The following ANKMY2 variants were observed in gnomAD, a reference collection of about 807,000 sequenced individuals.
The protein encoded by ANKMY2 is ankyrin repeat and MYND domain-containing protein 2.
Under a neutral mutation model 50.4 loss-of-function variants are expected in ANKMY2, and 36 were observed. The observed-to-expected ratio is 0.71, with a 90% CI of 0.55 to 0.94. The LOEUF (loss-of-function observed/expected upper bound fraction) is 0.94, where lower values mean the gene tolerates loss of function less well. ANKMY2 is among the 40% of genes least tolerant of loss of function. The pLI, the probability that ANKMY2 is intolerant of heterozygous loss-of-function variation, is 0.00. For missense variants in ANKMY2, 565 were observed against 524.0 expected (o/e 1.08, Z -0.76); for synonymous variants, 187 against 178.8 (o/e 1.05, Z -0.36).
In ANKMY2 at chr7:16,608,799, G is replaced by A. The variant is rs192646564; in HGVS notation, c.882+831C>T. On this transcript the variant is annotated intron_variant, in intron 7 of 9. Transcript: ENST00000306999. Reference sequence around the variant, plus strand: ...GGTAGATCACCTGAGTCAGGAGTTCGAGACCAACCTGGTCAACATGGTGAA... The same window carrying A: ...GGTAGATCACCTGAGTCAGGAGTTCAAGACCAACCTGGTCAACATGGTGAA... 4.5e-3 allele frequency among the ~76,000 whole-genome samples: 682 copies of A among 152,124 alleles called. 5 individuals carry two copies. Among genetic ancestry groups the A allele is most frequent in the African/African-American group, 0.016 (659 of 41,490 alleles).
intron 4 of ANKMY2, among the ~76,000 whole-genome samples, chr7:16,623,358 T>C (rs1265465919): frequency 1.3e-5 from 2 of 152,214 alleles, no homozygotes; most frequent in Non-Finnish European, 2.9e-5. Context: ...CAATTTTTAC[T>C]GTAGTAAAAA....
At chr7:16,633,950 A>G (rs568322329) in intron 2 of ANKMY2, among the ~76,000 whole-genome samples, 1 of 152,258 alleles carries the variant, frequency 6.6e-6, no homozygotes, top group African/African-American at 2.4e-5. Context: ...TTCTTGGTGT[A>G]TTATTAATTT....
At chr7:16,605,155 T>C (rs1781132181) in intron 7 of ANKMY2, among the ~76,000 whole-genome samples, 1 of 152,224 alleles carries the variant, frequency 6.6e-6, no homozygotes, top group Non-Finnish European at 1.5e-5. Context: ...GCGTTTCAGA[T>C]TTAGGACAAT....
rs1781490069 is a variant in ANKMY2 at position 16,624,990 on chromosome 7, GGCTGCCATCTGA to G, written c.351_362del (p.Gln118_Ala121del). The stretch of plus-strand genomic sequence containing the variant: ...ACTGCAGCAAAATCTCACCCACAAA[GGCTGCCATCTGA>G]GCTGCTGTTCTTCCCACAGAGTTGA... On this transcript the variant is annotated inframe_deletion, in exon 4 of 10. Coordinates refer to ENST00000306999, the MANE Select transcript of ANKMY2 (RefSeq NM_020319.3). 1 of 1,613,450 alleles carries G rather than the reference GGCTGCCATCTGA, an allele frequency of 6.2e-7. No homozygotes were observed. Among genetic ancestry groups the G allele is most frequent in the South Asian group, 1.1e-5 (1 of 90,978 alleles).
intron 4 of ANKMY2, among the ~76,000 whole-genome samples, chr7:16,620,178 T>C (rs2286228): frequency 0.17 from 26,340 of 151,838 alleles, 2,526 homozygotes; most frequent in Admixed American, 0.29. Flanking sequence ...AAGACAAAAA[T>C]GCAAAAATGG....
At chr7:16,635,838 C>T (rs921843954) in intron 2 of ANKMY2, among the ~76,000 whole-genome samples, 2 of 152,124 alleles carry the variant, frequency 1.3e-5, no homozygotes, top group African/African-American at 2.4e-5. Flanking sequence ...GTCCATTTTT[C>T]CCCATGCTTG....
chr7:16,630,149 T>C (rs190596717), intron 2 of ANKMY2, among the ~76,000 whole-genome samples: 3 of 152,288 alleles, frequency 2.0e-5, no homozygotes, highest in Non-Finnish European at 4.4e-5. Context: ...TAAATGTCCA[T>C]CTCTACTCAA....
intron 1 of ANKMY2, among the ~76,000 whole-genome samples, chr7:16,637,135 G>A (rs879492456): frequency 3.9e-5 from 6 of 152,176 alleles, no homozygotes; most frequent in Non-Finnish European, 8.8e-5. Context: ...AGAGAATGTT[G>A]CTATTATCAT....
At position 16,604,711 on chromosome 7, in the gene ANKMY2, C is replaced by T; in HGVS notation, c.1011+10G>A. On this transcript the variant is annotated intron_variant, in intron 8 of 9. Transcript: ENST00000306999. The stretch of plus-strand genomic sequence containing the variant: ...AGAGGTCAATGAAATAAAAAGAACT[C>T]CATTCTTACCATTTTGCAAACTGAA... 2 of 1,612,788 alleles carry T rather than the reference C, an allele frequency of 1.2e-6. No homozygotes were observed.
At chr7:16,631,590 C>G (rs560422288) in intron 2 of ANKMY2, among the ~76,000 whole-genome samples, 1 of 151,420 alleles carries the variant, frequency 6.6e-6, no homozygotes, top group Non-Finnish European at 1.5e-5. Context: ...ATTGATTATT[C>G]CAATTATTGA....
intron 5 of ANKMY2, among the ~76,000 whole-genome samples, chr7:16,612,791 T>C (rs1781276334): frequency 1.3e-5 from 2 of 152,254 alleles, no homozygotes; most frequent in Non-Finnish European, 2.9e-5. Flanking sequence ...ATAATATTTG[T>C]ACTTGTTTCC....
At chr7:16,610,805 T>C in intron 5 of ANKMY2, 42 bp from the exon 6 acceptor site, 1 of 1,545,256 alleles carries the variant, frequency 6.5e-7, no homozygotes, top group South Asian at 1.2e-5. Context: ...AAGGAGACAC[T>C]TGTTCATGTA....
rs80001327 is a variant in ANKMY2 at position 16,630,692 on chromosome 7, A to G, written c.133-3514T>C. 8.1e-4 allele frequency among the ~76,000 whole-genome samples: 124 copies of G among 152,350 alleles called. 1 individual carries two copies. In the East Asian group the frequency reaches 0.022, roughly 27 times the overall value. On this transcript the variant is annotated intron_variant, in intron 2 of 9. Transcript: ENST00000306999. ...TCTAAGTCCCTGGGACTTACAGTACAGGTGACTAGATGGATGGTGATACAA... is the reference window on the plus strand; with the variant it reads ...TCTAAGTCCCTGGGACTTACAGTACGGGTGACTAGATGGATGGTGATACAA...
At chr7:16,623,906 G>A (rs1245374048) in intron 4 of ANKMY2, among the ~76,000 whole-genome samples, 1 of 151,970 alleles carries the variant, frequency 6.6e-6, no homozygotes, top group Non-Finnish European at 1.5e-5. Context: ...TCTATTAGTA[G>A]TTTCAAGAAA....
chr7:16,625,736 T>C (rs1781498269), intron 3 of ANKMY2, among the ~76,000 whole-genome samples: 1 of 152,180 alleles, frequency 6.6e-6, no homozygotes, highest in Non-Finnish European at 1.5e-5. Flanking sequence ...CAGGCTGCCA[T>C]CCAGCAAGGT....
chr7:16,637,132 G>A (rs1200922141), intron 1 of ANKMY2, among the ~76,000 whole-genome samples: 3 of 152,184 alleles, frequency 2.0e-5, no homozygotes, highest in Non-Finnish European at 4.4e-5. Context: ...AGGAGAGAAT[G>A]TTGCTATTAT....
In ANKMY2 at chr7:16,615,949, T is replaced by C. The variant is rs199756529; in HGVS notation, c.371-45A>G. 174 of 1,537,828 alleles carry C rather than the reference T, an allele frequency of 1.1e-4. No individual in the cohort carries two copies. The African/African-American group carries it at 2.0e-3, about 18-fold the overall frequency. On this transcript the variant is annotated intron_variant, in intron 4 of 9. Coordinates refer to ENST00000306999, the MANE Select transcript of ANKMY2 (RefSeq NM_020319.3). ...AAAGTTGTAGTTTTAGTATTAAAAA[T>C]AACACATCTGGTTTTTAAAATTAAT...
At chr7:16,633,938 T>C (rs1483487417) in intron 2 of ANKMY2, among the ~76,000 whole-genome samples, 1 of 152,182 alleles carries the variant, frequency 6.6e-6, no homozygotes, top group Non-Finnish European at 1.5e-5. Flanking sequence ...AAGGCTATTA[T>C]GTTCTTGGTG....
intron 2 of ANKMY2, among the ~76,000 whole-genome samples, chr7:16,633,900 T>C (rs1781621209): frequency 6.6e-6 from 1 of 152,188 alleles, no homozygotes; most frequent in Admixed American, 6.5e-5. Context: ...TCAATGCCTA[T>C]AGCTGATAAG....
Sources: allele counts gnomAD v4.1 joint callset (sites outside exome capture counted in the v4.1 genomes callset), GRCh38; gene constraint gnomAD v4.1.1; transcripts MANE v1.5; gene names NCBI Gene and HGNC (gene_info 2026-07-23, HGNC 2026-07-21).